HAGH: variants seen among roughly 807,000 people sequenced by gnomAD.
The protein encoded by HAGH is hydroxyacylglutathione hydrolase, mitochondrial.
HAGH carries 29 observed loss-of-function variants against 35.1 expected under a neutral mutation model. The observed-to-expected ratio is 0.83, with a 90% CI of 0.62 to 1.13. HAGH has a LOEUF of 1.13. Ranked by LOEUF, HAGH falls within the 50% of genes most tolerant of loss-of-function variation. The pLI is 0.00. For missense variants in HAGH, 478 were observed against 419.6 expected (o/e 1.14, Z -1.22); for synonymous variants, 225 against 176.1 (o/e 1.28, Z -2.20).
At chr16:1,819,454 G>A (rs187733115) in intron 4 of HAGH, among the ~76,000 whole-genome samples, 2 of 152,364 alleles carry the variant, frequency 1.3e-5, no homozygotes, top group African/African-American at 4.8e-5. Flanking sequence ...CAAGGGGCTT[G>A]TTTCCTCCTT....
At chr16:1,826,432 C>A (rs1250158039) in intron 1 of HAGH, 4 of 435,520 alleles carry the variant, frequency 9.2e-6, no homozygotes, top group Non-Finnish European at 9.1e-6. Flanking sequence ...ACGCGATGCC[C>A]TGGAGGCGTC....
rs1416738858 is a variant in HAGH at position 1,816,097 on chromosome 16, C to T, written c.747+796G>A. 2.0e-5 allele frequency among the ~76,000 whole-genome samples: 3 copies of T among 149,052 alleles called. No individual in the cohort carries two copies. The East Asian group carries it at 6.2e-4, about 31-fold the overall frequency. On this transcript the variant is annotated intron_variant, in intron 7 of 8. Coordinates refer to ENST00000397356, the MANE Select transcript of HAGH (RefSeq NM_005326.6). ...TTGGGATTACAAGCGTGAGCCACCA[C>T]GCCCGGCCAGCAGGGAGAATTTCTT... is the stretch of plus-strand genomic sequence containing the variant.
At chr16:1,816,824 C>G (rs774183906) in intron 7 of HAGH, 69 bp downstream of exon 7, 3 of 962,602 alleles carry the variant, frequency 3.1e-6, no homozygotes, top group East Asian at 2.4e-5. Context: ...CCCACTCTGG[C>G]GACCCCGCTG....
At chr16:1,817,743 G>A (rs912421836) in intron 5 of HAGH, among the ~76,000 whole-genome samples, 3 of 152,086 alleles carry the variant, frequency 2.0e-5, no homozygotes, top group Non-Finnish European at 4.4e-5. Flanking sequence ...CACCTCAGGC[G>A]CACCCAGGCT....
At position 1,819,766 on chromosome 16, in the gene HAGH, T is replaced by C. The variant is rs1205764744; in HGVS notation, c.432+131A>G. On this transcript the variant is annotated intron_variant, in intron 4 of 8. Coordinates refer to ENST00000397356, the MANE Select transcript of HAGH (RefSeq NM_005326.6). ...CCTAGACAGAGAAGACCATCCACGCTGCCACAGAGGACCACTGAGAGCACT... is the reference window on the plus strand; with the variant it reads ...CCTAGACAGAGAAGACCATCCACGCCGCCACAGAGGACCACTGAGAGCACT... 5.7e-6 allele frequency: 4 copies of C among 698,348 alleles called. No individual in the cohort carries two copies. The African/African-American group carries it at 7.1e-5, about 12-fold the overall frequency. 43.3% of individuals were successfully genotyped at this position (698,348 alleles called of 1,614,324 possible).
chr16:1,818,616 C>G (rs566119522), intron 5 of HAGH: 1 of 154,680 alleles, frequency 6.5e-6, no homozygotes, highest in African/African-American at 2.4e-5. Context: ...CCCCCACCAC[C>G]AGCAGCCTCC....
In HAGH at chr16:1,826,222, C is replaced by G. The variant is rs1376173692; in HGVS notation, c.76+490G>C. Among the ~76,000 whole-genome samples the G allele has an allele frequency of 5.3e-5, 8 of 151,810 alleles. No individual in the cohort carries two copies. The East Asian group carries it at 1.5e-3, about 29-fold the overall frequency. On this transcript the variant is annotated intron_variant, in intron 1 of 8. Transcript: ENST00000397356. The stretch of plus-strand genomic sequence containing the variant: ...CGCTGGCCTGGCCCGGCCGCGCGAC[C>G]ACCTCGGGCGAATGACACGCCGGGT...
intron 1 of HAGH, chr16:1,826,387 C>T: frequency 4.6e-6 from 1 of 215,808 alleles, no homozygotes; most frequent in Non-Finnish European, 7.9e-6. Flanking sequence ...CTCAGAGCCG[C>T]GCCCCAGGCT....
In HAGH at chr16:1,826,805, A is replaced by G; in HGVS notation, c.-18T>C. 1 of 1,216,746 alleles carries G rather than the reference A, an allele frequency of 8.2e-7. No individual in the cohort carries two copies. The highest frequency in any genetic ancestry group is 1.0e-6 in the Non-Finnish European group (1 of 974,994). 75.4% of individuals were successfully genotyped at this position (1,216,746 alleles called of 1,614,324 possible). On this transcript the variant is annotated 5_prime_UTR_variant, in exon 1 of 9. Coordinates refer to ENST00000397356, the MANE Select transcript of HAGH (RefSeq NM_005326.6). ...ACCACCATGACCCGGGCCGGGCTGG[A>G]CTGCCGAGCTGCCCAGGACTGCAAA...
Position 1,819,971 on chromosome 16 carries a change from C to CCGA in HAGH, c.355_357dup (p.Ser119dup), listed in dbSNP as rs772404975. 209 of 1,613,554 alleles carry CCGA rather than the reference C, an allele frequency of 1.3e-4. No individual in the cohort carries two copies. Among genetic ancestry groups the CCGA allele is most frequent in the Middle Eastern group, 1.2e-3 (7 of 6,062 alleles). The stretch of plus-strand genomic sequence containing the variant: ...TCGTCACCCCCGTACACCTTCAGTC[C>CCGA]CGACTCCAGCTTGACCAGTTTCTCA... On this transcript the variant is annotated inframe_insertion, in exon 4 of 9. Transcript: ENST00000397356.
chr16:1,810,154 C>A (rs944375746), intron 7 of HAGH: 3 of 224,490 alleles, frequency 1.3e-5, no homozygotes, highest in African/African-American at 4.6e-5. Context: ...AGCGACATCA[C>A]GTCTCAAAAA....
At chr16:1,827,070 A>G, upstream of HAGH, 1 of 1,012,744 alleles carries the variant, frequency 9.9e-7, no homozygotes, top group Non-Finnish European at 1.4e-6. Context: ...CGCACAGTGG[A>G]TCCCTGGAGG....
rs753623252 is a variant in HAGH, at chr16:1,809,756, C to G, written c.825G>C (p.Val275=). 1.9e-6 allele frequency: 3 copies of G among 1,610,518 alleles called. No individual in the cohort carries two copies. Among genetic ancestry groups the G allele is most frequent in the Non-Finnish European group, 2.5e-6 (3 of 1,176,684 alleles). ...CCACCACCTGCCCTGGGCCTCACCT[C>G]ACTCTCATGAAGGGGTTGTAGGTAA... ...EEFTYNPFMR[V]REKTVQQHAG... is the part of the protein sequence containing the mutation. Residue 275 remains valine (V), a splice_region_variant and synonymous_variant, in exon 8 of 9, where the codon GTG becomes GTC. Coordinates refer to ENST00000397356, the MANE Select transcript of HAGH (RefSeq NM_005326.6).
intron 7 of HAGH, among the ~76,000 whole-genome samples, chr16:1,814,356 C>T (rs1291805972): frequency 1.3e-5 from 2 of 152,050 alleles, no homozygotes; most frequent in East Asian, 1.9e-4. Context: ...TGCCTGTAAT[C>T]CCAGCTACTC....
At position 1,808,128 on chromosome 16, in the gene HAGH, G is replaced by A. The variant is rs1897481239; in HGVS notation, c.*1155C>T. On this transcript the variant is annotated 3_prime_UTR_variant, in exon 9 of 9. Transcript: ENST00000397356. ...AACTGCATGATTAATTAATTTCTTT[G>A]AGACAGGGTCTCCCTGTTCCCCAAG... 6.6e-6 allele frequency: 1 copy of A among 152,098 alleles called. No individual in the cohort carries two copies. The highest frequency in any genetic ancestry group is 1.5e-5 in the Non-Finnish European group (1 of 68,022). The allele number at this position is 152,098 out of a possible 1,614,324, so 9.4% of individuals were successfully genotyped here.
At chr16:1,816,471 C>A (rs1292852063) in intron 7 of HAGH, among the ~76,000 whole-genome samples, 1 of 152,164 alleles carries the variant, frequency 6.6e-6, no homozygotes, top group East Asian at 1.9e-4. Flanking sequence ...AAACACACCC[C>A]TGGAGAACCC....
rs751641656 is a variant in HAGH at position 1,819,042 on chromosome 16, C to T, written c.541+73G>A. 2.7e-5 allele frequency: 26 copies of T among 960,496 alleles called. No individual in the cohort carries two copies. The Admixed American group carries it at 3.4e-4, about 13-fold the overall frequency. The allele number at this position is 960,496 out of a possible 1,614,324, so 59.5% of individuals were successfully genotyped here. The stretch of plus-strand genomic sequence containing the variant: ...AACAGAGAAGGCCACGAAGCTGCCC[C>T]GTGAGCCTGCCTGGCAGGAGACACA... On this transcript the variant is annotated intron_variant, in intron 5 of 8. Coordinates refer to ENST00000397356, the MANE Select transcript of HAGH (RefSeq NM_005326.6).
intron 3 of HAGH, 100 bp downstream of exon 3, chr16:1,822,200 C>T (rs574832556): frequency 1.1e-4 from 80 of 761,562 alleles, no homozygotes; most frequent in African/African-American, 1.0e-3. Flanking sequence ...CCTCACAAAG[C>T]AGACAGAGCC....
intron 7 of HAGH, among the ~76,000 whole-genome samples, chr16:1,814,445 GC>G (rs1446406128): frequency 6.7e-6 from 1 of 149,500 alleles, no homozygotes; most frequent in Non-Finnish European, 1.5e-5. Context: ...CTGCACTCCA[GC>G]CTGGGCAACA....
Sources: gnomAD v4.1 joint callset for allele counts (sites outside exome capture counted in the v4.1 genomes callset) on GRCh38, gnomAD v4.1.1 for gene constraint, MANE v1.5 for transcripts, NCBI Gene and HGNC (gene_info 2026-07-23, HGNC 2026-07-21) for gene names.